NTN1: variants seen among roughly 807,000 people sequenced by gnomAD.
The protein encoded by NTN1 is netrin 1, also known as netrin-1.
NTN1 carries 11 observed loss-of-function variants against 54.2 expected under a neutral mutation model. The ratio of observed to expected loss-of-function variants is 0.20; its 90% CI spans 0.13 to 0.34. NTN1 has a LOEUF of 0.34. Ranked by LOEUF, NTN1 falls within the 10% of genes least tolerant of loss-of-function variation. The pLI, the probability that NTN1 is intolerant of heterozygous loss-of-function variation, is 1.00. For missense variants in NTN1, 740 were observed against 893.1 expected (o/e 0.83, Z 2.18); for synonymous variants, 371 against 382.0 (o/e 0.97, Z 0.33).
intron 2 of NTN1, among the ~76,000 whole-genome samples, chr17:9,067,710 T>C (rs1446152762): frequency 6.6e-6 from 1 of 152,194 alleles, no homozygotes; most frequent in Non-Finnish European, 1.5e-5. Context: ...GTGTTTATGC[T>C]GTGCAAGCAT....
chr17:9,038,574 G>A (rs777236672), intron 2 of NTN1, among the ~76,000 whole-genome samples: 3 of 152,154 alleles, frequency 2.0e-5, no homozygotes, highest in Non-Finnish European at 4.4e-5. Context: ...GTCTGTGTGT[G>A]GGTGCTAAAT....
chr17:9,042,774 G>A (rs959320577), intron 2 of NTN1, among the ~76,000 whole-genome samples: 1 of 150,016 alleles, frequency 6.7e-6, no homozygotes, highest in Non-Finnish European at 1.5e-5. Flanking sequence ...GCGATAGTGC[G>A]AGACTCCATC....
At chr17:9,046,829 A>G (rs1484510153) in intron 2 of NTN1, among the ~76,000 whole-genome samples, 1 of 152,080 alleles carries the variant, frequency 6.6e-6, no homozygotes, top group Non-Finnish European at 1.5e-5. Context: ...AAAAGAAAAT[A>G]ATCCCTCTGA....
intron 5 of NTN1, among the ~76,000 whole-genome samples, chr17:9,194,824 C>T (rs1031003142): frequency 6.6e-6 from 1 of 152,176 alleles, no homozygotes; most frequent in Non-Finnish European, 1.5e-5. Context: ...ATTGCCCCTC[C>T]GCCTTGAGAT....
At chr17:9,100,472 CT>C (rs202072016) in intron 2 of NTN1, among the ~76,000 whole-genome samples, 2,514 of 147,978 alleles carry the variant, frequency 0.017, 68 homozygotes, top group African/African-American at 0.059. Context: ...CAAATTTTGT[CT>C]TTTTTTTTTA....
At chr17:9,176,953 A>T (rs2142313095) in intron 3 of NTN1, 1 of 152,270 alleles carries the variant, frequency 6.6e-6, no homozygotes, top group Admixed American at 6.5e-5. Flanking sequence ...CGTATGAGAG[A>T]GTGTGGATGT....
At chr17:9,035,651 G>A (rs2091901159) in intron 2 of NTN1, among the ~76,000 whole-genome samples, 1 of 152,128 alleles carries the variant, frequency 6.6e-6, no homozygotes, top group African/African-American at 2.4e-5. Context: ...TCTGAGCTCA[G>A]GCGATCCTCC....
At chr17:9,234,093 C>T (rs569245536) in intron 6 of NTN1, among the ~76,000 whole-genome samples, 10 of 152,348 alleles carry the variant, frequency 6.6e-5, no homozygotes, top group East Asian at 5.8e-4. Context: ...CTCGGAGCCA[C>T]GGCCAGCCCT....
intron 1 of NTN1, among the ~76,000 whole-genome samples, 177 bp from the exon 2 acceptor site, chr17:9,022,134 G>C (rs1303994115): frequency 6.6e-6 from 1 of 152,182 alleles, no homozygotes; most frequent in African/African-American, 2.4e-5. Flanking sequence ...CGAGCGGTGC[G>C]GACTTGGAGG....
chr17:9,194,805 G>GA (rs1278621629), intron 5 of NTN1, among the ~76,000 whole-genome samples: 1 of 152,190 alleles, frequency 6.6e-6, no homozygotes, highest in African/African-American at 2.4e-5. Context: ...CTAGTGGGGG[G>GA]ACCTGCTCAT....
At chr17:9,162,374 C>T (rs535062525) in intron 2 of NTN1, among the ~76,000 whole-genome samples, 1 of 152,332 alleles carries the variant, frequency 6.6e-6, no homozygotes, top group East Asian at 1.9e-4. Flanking sequence ...TCTGGAGGCC[C>T]TTCTGCGTGG....
At position 9,063,108 on chromosome 17, in the gene NTN1, T is replaced by TG. The variant is rs934124985; in HGVS notation, c.1018+39717_1018+39718insG. On this transcript the variant is annotated intron_variant, in intron 2 of 6. Transcript: ENST00000173229. ...TAGGTATTATCATTAATGACTTTTTTTTTTTTTGACGGAGTTTTGCTCTTG... is the reference window on the plus strand; with the variant it reads ...TAGGTATTATCATTAATGACTTTTTTGTTTTTTTGACGGAGTTTTGCTCTTG... Among the ~76,000 whole-genome samples the TG allele has an allele frequency of 1.2e-3, 188 of 152,234 alleles. 2 individuals are homozygous for TG. The highest frequency in any genetic ancestry group is 1.8e-4 in the Non-Finnish European group (12 of 68,010).
At chr17:9,063,063 A>G (rs1597474464) in intron 2 of NTN1, among the ~76,000 whole-genome samples, 1 of 149,076 alleles carries the variant, frequency 6.7e-6, no homozygotes, top group East Asian at 2.0e-4. Context: ...ACTATTTTTT[A>G]TTTATCCTAT....
intron 2 of NTN1, among the ~76,000 whole-genome samples, chr17:9,044,044 C>T (rs909156602): frequency 1.3e-5 from 2 of 152,052 alleles, no homozygotes; most frequent in Admixed American, 6.5e-5. Context: ...TCTAGAGTAG[C>T]GTTGACCACT....
At chr17:9,158,825 C>T (rs2092350383) in intron 2 of NTN1, among the ~76,000 whole-genome samples, 1 of 152,202 alleles carries the variant, frequency 6.6e-6, no homozygotes, top group African/African-American at 2.4e-5. Flanking sequence ...CCTGGGAACA[C>T]TTGCCGGAGG....
intron 2 of NTN1, among the ~76,000 whole-genome samples, chr17:9,087,468 G>A (rs2092093414): frequency 6.6e-6 from 1 of 152,200 alleles, no homozygotes. Context: ...CGTATTGAAA[G>A]GTTTTAAGTG....
At position 9,241,981 on chromosome 17, in the gene NTN1, T is replaced by C. The variant is rs898638261; in HGVS notation, c.*2013T>C. On this transcript the variant is annotated 3_prime_UTR_variant, in exon 7 of 7. Coordinates refer to ENST00000173229, the MANE Select transcript of NTN1 (RefSeq NM_004822.3). Reference sequence around the variant, plus strand: ...AGCCCCTGGCCCTGGTTACTGCCTCTTGAGGACACTGGCATCTGGGCTGGA... The same window carrying C: ...AGCCCCTGGCCCTGGTTACTGCCTCCTGAGGACACTGGCATCTGGGCTGGA... 2 of 152,346 alleles carry C rather than the reference T, an allele frequency of 1.3e-5. No homozygotes were observed. The highest frequency in any genetic ancestry group is 4.8e-5 in the African/African-American group (2 of 41,424). 9.4% of individuals were successfully genotyped at this position (152,346 alleles called of 1,614,324 possible). A position where few individuals can be genotyped will look rare whatever the true frequency, so the allele number is the denominator to read the frequency against.
intron 2 of NTN1, among the ~76,000 whole-genome samples, chr17:9,117,393 A>G (rs1831342252): frequency 6.6e-6 from 1 of 152,204 alleles, no homozygotes; most frequent in Non-Finnish European, 1.5e-5. Context: ...CAGAAGCATG[A>G]GGACAGGTGG....
chr17:9,153,111 A>T (rs571891373), intron 2 of NTN1, among the ~76,000 whole-genome samples: 1 of 152,172 alleles, frequency 6.6e-6, no homozygotes. Context: ...TTTACTAAAA[A>T]TACAAAAATG....
Sources: gnomAD v4.1 joint callset for allele counts (sites outside exome capture counted in the v4.1 genomes callset) on GRCh38, gnomAD v4.1.1 for gene constraint, MANE v1.5 for transcripts, NCBI Gene and HGNC (gene_info 2026-07-23, HGNC 2026-07-21) for gene names.